Variants in TANK observed in about 807,000 individuals in gnomAD.
The protein encoded by TANK is TRAF family member-associated NF-kappa-B activator.
In TANK, 15 loss-of-function variants were observed where a neutral mutation model predicts 43.6. That is an observed-to-expected ratio of 0.34 (90% CI 0.23 to 0.53). The LOEUF is 0.53. TANK is among the 20% of genes least tolerant of loss of function. The pLI is 0.94. For synonymous variants in TANK, 162 were observed against 178.2 expected (o/e 0.91, Z 0.73); for missense variants, 417 against 498.6 (o/e 0.84, Z 1.56).
At chr2:161,159,089 C>T (rs982961416), upstream of TANK, 3 of 152,202 alleles carry the variant, frequency 2.0e-5, no homozygotes, top group Non-Finnish European at 4.4e-5. Flanking sequence ...CTTATTCATT[C>T]CTGGTGGGAA....
intron 1 of TANK, among the ~76,000 whole-genome samples, chr2:161,153,021 C>G (rs1259654382): frequency 6.6e-6 from 1 of 152,066 alleles, no homozygotes; most frequent in African/African-American, 2.4e-5. Context: ...ATTTCTCCTT[C>G]AAGACTCCCA....
chr2:161,165,169 T>G (rs576167911), intron 1 of TANK, among the ~76,000 whole-genome samples: 1 of 152,008 alleles, frequency 6.6e-6, no homozygotes, highest in Admixed American at 6.6e-5. Context: ...AAAATTAATA[T>G]GAGTTCCATT....
chr2:161,193,813 T>TG (rs1686024796), intron 2 of TANK, among the ~76,000 whole-genome samples: 1 of 152,216 alleles, frequency 6.6e-6, no homozygotes. Flanking sequence ...CTTAGTCACA[T>TG]GATCACATCT....
intron 1 of TANK, among the ~76,000 whole-genome samples, chr2:161,148,276 T>G (rs1683973129): frequency 6.6e-6 from 1 of 152,230 alleles, no homozygotes; most frequent in South Asian, 2.1e-4. Context: ...CCCTGAAGAC[T>G]AATAATGTCA....
chr2:161,159,513 A>C (rs1210167916), upstream of TANK, among the ~76,000 whole-genome samples: 1 of 152,252 alleles, frequency 6.6e-6, no homozygotes, highest in African/African-American at 2.4e-5. Flanking sequence ...TTTGTTAAAA[A>C]CATTGTTTCA....
chr2:161,155,669 A>AT (rs544555384), upstream of TANK, among the ~76,000 whole-genome samples: 466 of 152,162 alleles, frequency 3.1e-3, 2 homozygotes, highest in African/African-American at 0.011. Flanking sequence ...TTTGCAATTA[A>AT]TTTTTTTTCC....
In TANK at chr2:161,236,030, A is replaced by G. The variant is rs1157882404; in HGVS notation, c.*512A>G. ...AGACAACATAAACATCTTTGTAAAT[A>G]TCAAACCTAATACATTTCTTGTCCA... On this transcript the variant is annotated 3_prime_UTR_variant, in exon 8 of 8. Coordinates refer to ENST00000392749, the MANE Select transcript of TANK (RefSeq NM_001199135.3). 6.6e-6 allele frequency: 1 copy of G among 152,186 alleles called. No homozygotes were observed. Among genetic ancestry groups the G allele is most frequent in the Non-Finnish European group, 1.5e-5 (1 of 68,028 alleles). The allele number at this position is 152,186 out of a possible 1,614,324, so 9.4% of individuals were successfully genotyped here.
At chr2:161,186,745 C>G (rs913621202) in intron 2 of TANK, among the ~76,000 whole-genome samples, 20 of 152,038 alleles carry the variant, frequency 1.3e-4, no homozygotes, top group African/African-American at 1.4e-4. Context: ...CAGAGACAAC[C>G]TACAGAATGG....
chr2:161,173,774 G>A (rs538745478), intron 1 of TANK, among the ~76,000 whole-genome samples: 119 of 152,214 alleles, frequency 7.8e-4, no homozygotes, highest in Non-Finnish European at 1.5e-3. Flanking sequence ...GAAAAGGAGT[G>A]CCTATTGTGT....
intron 2 of TANK, among the ~76,000 whole-genome samples, chr2:161,192,957 T>C (rs1193161894): frequency 6.6e-6 from 1 of 152,212 alleles, no homozygotes; most frequent in Non-Finnish European, 1.5e-5. Context: ...TTTCTTCCCA[T>C]TGCTATGAAT....
At chr2:161,207,624 G>A in intron 4 of TANK, 2 of 985,356 alleles carry the variant, frequency 2.0e-6, no homozygotes, top group Non-Finnish European at 2.4e-6. Flanking sequence ...TTAGGCCTAT[G>A]TTAGAAAAAA....
chr2:161,233,229 A>G (rs541855859), intron 7 of TANK, among the ~76,000 whole-genome samples: 1 of 151,956 alleles, frequency 6.6e-6, no homozygotes, highest in African/African-American at 2.4e-5. Flanking sequence ...ACAAATACGT[A>G]TAGTTATATA....
rs1034402294 is a variant in TANK at position 161,161,586 on chromosome 2, T to C, written c.-50+1100T>C. 5 of 1,143,302 alleles carry C rather than the reference T, an allele frequency of 4.4e-6. No homozygotes were observed. The African/African-American group carries it at 6.2e-5, about 14-fold the overall frequency. 70.8% of individuals were successfully genotyped at this position (1,143,302 alleles called of 1,614,324 possible). A position where few individuals can be genotyped will look rare whatever the true frequency, so the allele number is the denominator to read the frequency against. ...TCTTTCCTGTATGTGCATAACCATG[T>C]TATTTTGCTTTCTTATGAAAATGAG... On this transcript the variant is annotated intron_variant, in intron 1 of 7. Coordinates refer to ENST00000392749, the MANE Select transcript of TANK (RefSeq NM_001199135.3).
At chr2:161,212,452 T>A in intron 4 of TANK, 5 of 984,172 alleles carry the variant, frequency 5.1e-6, no homozygotes, top group Non-Finnish European at 6.0e-6. Context: ...GTGTTTCCAA[T>A]CTAAATTATT....
intron 4 of TANK, among the ~76,000 whole-genome samples, chr2:161,215,770 C>T (rs1183315293): frequency 1.3e-5 from 2 of 152,104 alleles, no homozygotes; most frequent in Non-Finnish European, 2.9e-5. Flanking sequence ...GAAGAGTCAC[C>T]TAATTTTTCA....
upstream of TANK, among the ~76,000 whole-genome samples, chr2:161,155,710 C>T (rs1241746579): frequency 6.6e-6 from 1 of 152,160 alleles, no homozygotes; most frequent in Non-Finnish European, 1.5e-5. Context: ...TTTTCCATAA[C>T]TTAGATACCA....
chr2:161,167,421 T>A (rs777963339), intron 1 of TANK, among the ~76,000 whole-genome samples: 25 of 152,172 alleles, frequency 1.6e-4, no homozygotes, highest in Non-Finnish European at 2.9e-4. Context: ...TGGTTGGCTG[T>A]CATTTGGCAG....
intron 1 of TANK, among the ~76,000 whole-genome samples, chr2:161,152,063 C>G (rs1034113529): frequency 2.0e-5 from 3 of 152,130 alleles, no homozygotes; most frequent in African/African-American, 7.2e-5. Flanking sequence ...CACTACTAAG[C>G]AGCTTAATCA....
At chr2:161,203,720 A>C in intron 3 of TANK, 125 bp downstream of exon 3, 1 of 604,694 alleles carries the variant, frequency 1.7e-6, no homozygotes, top group Non-Finnish European at 2.9e-6. Context: ...ACTGTGGTAC[A>C]GTTATATGTT....
Sources: gnomAD v4.1 joint callset for allele counts (sites outside exome capture counted in the v4.1 genomes callset) on GRCh38, gnomAD v4.1.1 for gene constraint, MANE v1.5 for transcripts, NCBI Gene and HGNC (gene_info 2026-07-23, HGNC 2026-07-21) for gene names.